Variants in TNNI3K observed in about 807,000 individuals in gnomAD.
TNNI3K encodes serine/threonine-protein kinase TNNI3K.
In TNNI3K, 140 loss-of-function variants were observed where a neutral mutation model predicts 114.5. The observed-to-expected ratio is 1.22, with a 90% confidence interval of 1.07 to 1.41. TNNI3K has a LOEUF of 1.41. Ranked by LOEUF, TNNI3K falls within the 40% of genes most tolerant of loss-of-function variation. TNNI3K has a pLI of 0.00. For synonymous variants in TNNI3K, 347 were observed against 347.5 expected, an observed-to-expected ratio of 1.00 and a Z score of 0.02; for missense variants, 1,125 against 1,007.6, an observed-to-expected ratio of 1.12 and a Z score of -1.58.
chr1:74,518,478 C>A (rs946671287), intron 23 of TNNI3K, among the ~76,000 whole-genome samples: 5 of 152,002 alleles, frequency 3.3e-5, no homozygotes, highest in Admixed American at 3.3e-4. Context: ...CTTTTCTTAC[C>A]TCAAGGATCT....
At position 74,271,667 on chromosome 1, in the gene TNNI3K, C is replaced by G; in HGVS notation, c.403C>G (p.Leu135Val). ...ADIQQVGYGGLTALHIATIAG... is the reference protein window; with the variant it reads ...ADIQQVGYGGVTALHIATIAG... ...TATACAGCAGGTTGGATACGGTGGCCTCACTGCCCTCCATATTGCTACAAT... is the reference window on the plus strand; with the variant it reads ...TATACAGCAGGTTGGATACGGTGGCGTCACTGCCCTCCATATTGCTACAAT... Residue 135 changes from leucine (L) to valine (V), a missense_variant, in exon 5 of 25, where the codon CTC becomes GTC. Transcript: ENST00000326637. The G allele has an allele frequency of 6.2e-7, 1 of 1,609,236 alleles. No homozygotes were observed. The highest frequency in any genetic ancestry group is 8.5e-7 in the Non-Finnish European group (1 of 1,177,162).
At position 74,398,958 on chromosome 1, in the gene TNNI3K, C is replaced by A. The variant is rs545995621; in HGVS notation, c.1772+28566C>A. Among the ~76,000 whole-genome samples the A allele has an allele frequency of 9.2e-5, 14 of 151,824 alleles. No individual in the cohort carries two copies. In the South Asian group the frequency reaches 2.9e-3, roughly 32 times the overall value. ...TGGATCAAACTCAGGAGTTTGAGAC[C>A]AGCCTGGCCAACATGGTTGAAACCC... On this transcript the variant is annotated intron_variant, in intron 17 of 24. Coordinates refer to ENST00000326637, the MANE Select transcript of TNNI3K (RefSeq NM_015978.3).
chr1:74,280,106 G>T (rs561887068), intron 5 of TNNI3K, among the ~76,000 whole-genome samples: 1 of 152,318 alleles, frequency 6.6e-6, no homozygotes, highest in South Asian at 2.1e-4. Context: ...CTGAAGGCTG[G>T]GTGCGGTGGC....
intron 11 of TNNI3K, among the ~76,000 whole-genome samples, chr1:74,354,725 T>G (rs1661566423): frequency 6.6e-6 from 1 of 152,202 alleles, no homozygotes; most frequent in Non-Finnish European, 1.5e-5. Context: ...ATTTCTGAAC[T>G]CCATTTTCTT....
chr1:74,518,873 C>CTTTTTTTTTTTTTTTTTTTTTTTTTTTTT (rs1646388103), intron 23 of TNNI3K, among the ~76,000 whole-genome samples: 4 of 100,358 alleles, frequency 4.0e-5, no homozygotes, highest in Admixed American at 1.0e-4. Flanking sequence ...TTTTTTTTCC[C>CTTTTTTTTTTTTTTTTTTTTTTTTTTTTT]CTTTTTTTTT....
At chr1:74,500,572 C>T (rs1181988755) in intron 23 of TNNI3K, among the ~76,000 whole-genome samples, 16 of 117,702 alleles carry the variant, frequency 1.4e-4, no homozygotes, top group Non-Finnish European at 2.3e-4. Flanking sequence ...CCACTGCACT[C>T]CAGCCTGGGC....
At chr1:74,259,773 AAAAC>A (rs376373963) in intron 4 of TNNI3K, among the ~76,000 whole-genome samples, 142 of 152,234 alleles carry the variant, frequency 9.3e-4, no homozygotes, top group African/African-American at 2.6e-3. Context: ...CCCTGTCTCA[AAAAC>A]AAACAAACAA....
intron 17 of TNNI3K, among the ~76,000 whole-genome samples, chr1:74,409,334 TTTATC>T (rs1664769007): frequency 1.3e-5 from 2 of 152,172 alleles, no homozygotes; most frequent in South Asian, 2.1e-4. Flanking sequence ...GCAGTGCTCT[TTTATC>T]TAATCTGTGT....
intron 2 of TNNI3K, among the ~76,000 whole-genome samples, chr1:74,247,375 A>G (rs1049289216): frequency 1.4e-4 from 21 of 152,140 alleles, no homozygotes; most frequent in African/African-American, 4.6e-4. Context: ...CTTCATGGTG[A>G]GTGTTACAGC....
At chr1:74,348,946 G>C (rs566790246) in intron 9 of TNNI3K, among the ~76,000 whole-genome samples, 1 of 152,064 alleles carries the variant, frequency 6.6e-6, no homozygotes, top group African/African-American at 2.4e-5. Context: ...CTGCAAACAG[G>C]GACCATTTGA....
At chr1:74,430,426 T>C (rs929919463) in intron 17 of TNNI3K, among the ~76,000 whole-genome samples, 4 of 152,124 alleles carry the variant, frequency 2.6e-5, no homozygotes, top group Admixed American at 2.6e-4. Flanking sequence ...AAAAGAAATC[T>C]GGAGAAAACA....
chr1:74,344,734 G>T (rs1284294627), intron 9 of TNNI3K, among the ~76,000 whole-genome samples: 4 of 152,162 alleles, frequency 2.6e-5, no homozygotes. Flanking sequence ...CCAAAAGATT[G>T]TTTATATGAG....
At chr1:74,402,569 A>G (rs1664420804) in intron 17 of TNNI3K, among the ~76,000 whole-genome samples, 1 of 152,222 alleles carries the variant, frequency 6.6e-6, no homozygotes, top group Non-Finnish European at 1.5e-5. Flanking sequence ...TTTTAACTCT[A>G]TATATGTAGA....
rs1051846477 is a variant in TNNI3K at position 74,342,935 on chromosome 1, T to C, written c.776T>C (p.Leu259Ser). Residue 259 changes from leucine (L) to serine (S), a missense_variant, in exon 8 of 25, where the codon TTG (leucine) becomes TCG (serine). Transcript: ENST00000326637. ...DIVKYLLQSD[L>S]EVQPHVVNIY... ...GTTAAGTATCTGCTGCAAAGTGATT[T>C]GGAAGTTCAACCTCATGTTGTTAAT... 1.2e-6 allele frequency: 2 copies of C among 1,613,840 alleles called. No individual in the cohort carries two copies. The highest frequency in any genetic ancestry group is 8.5e-7 in the Non-Finnish European group (1 of 1,179,928).
intron 23 of TNNI3K, among the ~76,000 whole-genome samples, chr1:74,513,755 A>C (rs979010530): frequency 4.6e-5 from 7 of 152,236 alleles, no homozygotes; most frequent in African/African-American, 1.7e-4. Context: ...AGTGAAGCTG[A>C]TGACACATTA....
intron 21 of TNNI3K, among the ~76,000 whole-genome samples, chr1:74,464,041 C>T (rs528527346): frequency 1.3e-5 from 2 of 152,170 alleles, no homozygotes; most frequent in East Asian, 3.9e-4. Context: ...GCATAGACTT[C>T]GAATTCAAAT....
Position 74,492,211 on chromosome 1 carries a change from C to T in TNNI3K, c.2296C>T (p.Arg766Cys), listed in dbSNP as rs374334124. 6.2e-6 allele frequency: 10 copies of T among 1,612,644 alleles called. No homozygotes were observed. In the African/African-American group the frequency reaches 6.7e-5, roughly 11 times the overall value. Residue 766 changes from arginine (R) to cysteine (C), a missense_variant, in exon 23 of 25, where the codon CGT becomes TGT. Arg to Cys is a radical substitution (Grantham distance 180). Coordinates refer to ENST00000326637, the MANE Select transcript of TNNI3K (RefSeq NM_015978.3). ...GRSHVAALRS[R>C]FELEYALNAR... Reference sequence around the variant, plus strand: ...GAGTCATGTGGCAGCATTAAGAAGTCGTTTCGAATTGGAATATGCTCTAAA... The same window carrying T: ...GAGTCATGTGGCAGCATTAAGAAGTTGTTTCGAATTGGAATATGCTCTAAA...
intron 22 of TNNI3K, 129 bp downstream of exon 22, chr1:74,489,377 C>G (rs61776255): frequency 0.028 from 24,959 of 888,990 alleles, 449 homozygotes; most frequent in Non-Finnish European, 0.036. Flanking sequence ...CATATTTGCC[C>G]TATTCATTAA....
chr1:74,393,432 A>G (rs1468588976), intron 17 of TNNI3K, among the ~76,000 whole-genome samples: 2 of 152,302 alleles, frequency 1.3e-5, no homozygotes, highest in East Asian at 1.9e-4. Context: ...AGCTTACTTT[A>G]TGGGGTGGAG....
Sources: allele counts gnomAD v4.1 joint callset (sites outside exome capture counted in the v4.1 genomes callset), GRCh38; gene constraint gnomAD v4.1.1; transcripts MANE v1.5; gene names NCBI Gene and HGNC (gene_info 2026-07-23, HGNC 2026-07-21).